Variants in CELSR1 observed in about 807,000 individuals in gnomAD.
CELSR1 encodes the protein adhesion G protein-coupled receptor C1.
In CELSR1, 110 loss-of-function variants were observed where a neutral mutation model predicts 249.1. The ratio of observed to expected loss-of-function variants is 0.44; its 90% CI spans 0.38 to 0.52. The LOEUF (loss-of-function observed/expected upper bound fraction) is 0.52, where lower values mean the gene tolerates loss of function less well. Ranked by LOEUF, CELSR1 falls within the 20% of genes least tolerant of loss-of-function variation. The probability of loss-of-function intolerance (pLI) is 0.00; values close to 1 mark genes in which losing one functional copy is unlikely to be tolerated. For synonymous variants in CELSR1, 2,113 were observed against 1,900.0 expected, an observed-to-expected ratio of 1.11 and a Z score of -2.92; for missense variants, 4,109 against 4,296.4, an observed-to-expected ratio of 0.96 and a Z score of 1.22.
At chr22:46,400,844 T>C (rs963053288) in intron 9 of CELSR1, among the ~76,000 whole-genome samples, 6 of 151,692 alleles carry the variant, frequency 4.0e-5, no homozygotes, top group Non-Finnish European at 8.8e-5. Context: ...CCCAGCTACT[T>C]GGGAGGCTGA....
At position 46,468,405 on chromosome 22, in the gene CELSR1, G is replaced by A. The variant is rs577653024; in HGVS notation, c.3545-4060C>T. On this transcript the variant is annotated intron_variant, in intron 1 of 34. Transcript: ENST00000674500. The surrounding 1 kb of genome is among the most constrained non-coding windows in gnomAD (Gnocchi z 4.5). ...TGTCTCAAAAAAAAAAAAAAATGTG[G>A]TCCATGCATACTATGGAATATTATC... 1.1e-3 allele frequency among the ~76,000 whole-genome samples: 164 copies of A among 150,840 alleles called. 2 individuals are homozygous for A. The East Asian group carries it at 0.025, about 23-fold the overall frequency.
intron 1 of CELSR1, among the ~76,000 whole-genome samples, chr22:46,529,710 G>A (rs1470063742): frequency 6.6e-6 from 1 of 151,890 alleles, no homozygotes; most frequent in Non-Finnish European, 1.5e-5. Flanking sequence ...GGCTGAGGTA[G>A]GATAATCACT....
At chr22:46,531,358 A>G (rs2080790534) in intron 1 of CELSR1, among the ~76,000 whole-genome samples, 1 of 152,020 alleles carries the variant, frequency 6.6e-6, no homozygotes, top group African/African-American at 2.4e-5. Context: ...GGTGCTCGCC[A>G]CCACACCAGG....
chr22:46,509,160 G>T (rs1480895547), intron 1 of CELSR1, among the ~76,000 whole-genome samples: 2 of 152,102 alleles, frequency 1.3e-5, no homozygotes, highest in South Asian at 4.1e-4. Context: ...ACACTTCTCT[G>T]CTCCCATGGC....
Position 46,533,448 on chromosome 22 carries a change from C to A in CELSR1, c.3544+179G>T, listed in dbSNP as rs1033556976. Reference sequence around the variant, plus strand: ...GAAGCGGCGCGGTGCCTCTCCCCCTCGCTGGGCCTAGGCCGGGCGCCCACC... The same window carrying A: ...GAAGCGGCGCGGTGCCTCTCCCCCTAGCTGGGCCTAGGCCGGGCGCCCACC... On this transcript the variant is annotated intron_variant, in intron 1 of 34. Transcript: ENST00000674500. Among the ~76,000 whole-genome samples, 3 of 152,378 alleles carry A rather than the reference C, an allele frequency of 2.0e-5. No homozygotes were observed. In the East Asian group the frequency reaches 5.8e-4, roughly 29 times the overall value.
At chr22:46,387,281 T>C (rs2079043368) in intron 18 of CELSR1, among the ~76,000 whole-genome samples, 1 of 152,260 alleles carries the variant, frequency 6.6e-6, no homozygotes, top group South Asian at 2.1e-4. Context: ...TTAATTCCAT[T>C]TAAAATACTT....
At position 46,437,161 on chromosome 22, in the gene CELSR1, C is replaced by G. The variant is rs1446010118; in HGVS notation, c.4407-872G>C. ...GAACTTAGAGCACGCTGAGCAAAAA[C>G]CACCTGCTCGGGCAGGAGATCATCA... On this transcript the variant is annotated intron_variant, in intron 3 of 34. Coordinates refer to ENST00000674500, the MANE Select transcript of CELSR1 (RefSeq NM_001378328.1). The surrounding 1 kb of genome is among the most constrained non-coding windows in gnomAD (Gnocchi z 4.9). Among the ~76,000 whole-genome samples the G allele has an allele frequency of 6.6e-6, 1 of 152,192 alleles. No individual in the cohort carries two copies. Among genetic ancestry groups the G allele is most frequent in the Non-Finnish European group, 1.5e-5 (1 of 68,040 alleles).
At chr22:46,495,967 G>A (rs1487503015) in intron 1 of CELSR1, among the ~76,000 whole-genome samples, 2 of 152,112 alleles carry the variant, frequency 1.3e-5, no homozygotes, top group African/African-American at 4.8e-5. Flanking sequence ...GCCAAGGTGG[G>A]CGGATCACCT....
In CELSR1 at chr22:46,427,960, G is replaced by C. The variant is rs113514263; in HGVS notation, c.4611+5433C>G. ...TCCCCCGACCCCAGGGGTGCTCCGG[G>C]GGTACATCTCCCACTCTCCTTGGGA... On this transcript the variant is annotated intron_variant, in intron 5 of 34. Transcript: ENST00000674500. This position sits in a 1 kb window ranked among gnomAD's most constrained non-coding sequence, Gnocchi z 4.2. Among the ~76,000 whole-genome samples, 2 of 152,110 alleles carry C rather than the reference G, an allele frequency of 1.3e-5. No individual in the cohort carries two copies. The highest frequency in any genetic ancestry group is 1.9e-4 in the East Asian group (1 of 5,178).
Position 46,363,888 on chromosome 22 carries a change from G to A in CELSR1, c.9035+108C>T, listed in dbSNP as rs2078733875. 4 of 1,381,010 alleles carry A rather than the reference G, an allele frequency of 2.9e-6. No individual in the cohort carries two copies. Among genetic ancestry groups the A allele is most frequent in the South Asian group, 3.1e-5 (2 of 65,094 alleles). 85.5% of individuals were successfully genotyped at this position (1,381,010 alleles called of 1,614,324 possible). On this transcript the variant is annotated intron_variant, in intron 34 of 34. Coordinates refer to ENST00000674500, the MANE Select transcript of CELSR1 (RefSeq NM_001378328.1). This position sits in a 1 kb window ranked among gnomAD's most constrained non-coding sequence, Gnocchi z 4.3. ...CGCCTGGGCTTCCTCTGCACTCAGG[G>A]CTCCAGGTGAGGTGGGTGTCAGGTC...
rs1433135779 is a variant in CELSR1, at chr22:46,395,512, C to G, written c.5843+1093G>C. ...GCCACACTGGCTCCCACCTCCCTCT[C>G]CACTCCCAGGGCACCTCCGCGGCGC... On this transcript the variant is annotated intron_variant, in intron 13 of 34. Transcript: ENST00000674500. This position sits in a 1 kb window ranked among gnomAD's most constrained non-coding sequence, Gnocchi z 5.5. 8.3e-6 allele frequency among the ~76,000 whole-genome samples: 1 copy of G among 120,992 alleles called. No homozygotes were observed. Among genetic ancestry groups the G allele is most frequent in the South Asian group, 2.8e-4 (1 of 3,626 alleles). The allele number at this position is 120,992 out of a possible 152,430, so 79.4% of individuals were successfully genotyped here.
rs6007909 is a variant in CELSR1 at position 46,437,455 on chromosome 22, G to T, written c.4407-1166C>A. Among the ~76,000 whole-genome samples, 30,064 of 152,178 alleles carry T rather than the reference G, an allele frequency of 0.2. 5,199 individuals carry two copies. The highest frequency in any genetic ancestry group is 0.47 in the African/African-American group (19,462 of 41,462). On this transcript the variant is annotated intron_variant, in intron 3 of 34. Transcript: ENST00000674500. This position sits in a 1 kb window ranked among gnomAD's most constrained non-coding sequence, Gnocchi z 4.9. ...AGCATCTGACCTCAGCCTTTTCTCT[G>T]GAGTTAAAATTGATGGTTTCGGCTG... is the stretch of plus-strand genomic sequence containing the variant.
At chr22:46,384,435 C>G (rs2079010524) in intron 20 of CELSR1, 108 bp downstream of exon 20, 2 of 1,339,002 alleles carry the variant, frequency 1.5e-6, no homozygotes, top group African/African-American at 1.5e-5. Context: ...TCGGAACACT[C>G]TGGCCCAGAT....
In CELSR1 at chr22:46,488,891, C is replaced by A. The variant is rs1013083953; in HGVS notation, c.3545-24546G>T. Among the ~76,000 whole-genome samples the A allele has an allele frequency of 5.3e-5, 8 of 152,160 alleles. No individual in the cohort carries two copies. Among genetic ancestry groups the A allele is most frequent in the African/African-American group, 1.9e-4 (8 of 41,428 alleles). Reference sequence around the variant, plus strand: ...AGCCAGGATGGTCTCGATCTCCTGACCTCATGATCCGCCTGCCTCGGCTTC... The same window carrying A: ...AGCCAGGATGGTCTCGATCTCCTGAACTCATGATCCGCCTGCCTCGGCTTC... On this transcript the variant is annotated intron_variant, in intron 1 of 34. Coordinates refer to ENST00000674500, the MANE Select transcript of CELSR1 (RefSeq NM_001378328.1). This position sits in a 1 kb window ranked among gnomAD's most constrained non-coding sequence, Gnocchi z 4.7.
intron 1 of CELSR1, among the ~76,000 whole-genome samples, chr22:46,486,672 C>T (rs1365889575): frequency 6.6e-6 from 1 of 151,644 alleles, no homozygotes; most frequent in Non-Finnish European, 1.5e-5. Flanking sequence ...GTGAAACCCC[C>T]TCTCTACTAA....
In CELSR1 at chr22:46,427,852, G is replaced by A. The variant is rs2079552956; in HGVS notation, c.4611+5541C>T. Among the ~76,000 whole-genome samples the A allele has an allele frequency of 6.6e-6, 1 of 152,052 alleles. No individual in the cohort carries two copies. Among genetic ancestry groups the A allele is most frequent in the Non-Finnish European group, 1.5e-5 (1 of 68,014 alleles). On this transcript the variant is annotated intron_variant, in intron 5 of 34. Coordinates refer to ENST00000674500, the MANE Select transcript of CELSR1 (RefSeq NM_001378328.1). This position sits in a 1 kb window ranked among gnomAD's most constrained non-coding sequence, Gnocchi z 4.2. The stretch of plus-strand genomic sequence containing the variant: ...GGCAGATCTGTAGAGCCCAGAAAGG[G>A]TCCCATCAAAAAACCTCACCCTGAC...
intron 2 of CELSR1, among the ~76,000 whole-genome samples, chr22:46,458,076 A>C (rs1436948371): frequency 2.0e-5 from 3 of 151,572 alleles, no homozygotes; most frequent in Non-Finnish European, 4.4e-5. Context: ...TGACAAGCAA[A>C]CACCACCATG....
rs144537856 is a variant in CELSR1, at chr22:46,458,548, G to A, written c.4183+5159C>T. Among the ~76,000 whole-genome samples, 375 of 152,342 alleles carry A rather than the reference G, an allele frequency of 2.5e-3. 1 individual carries two copies. The highest frequency in any genetic ancestry group is 8.2e-3 in the African/African-American group (339 of 41,580). Reference sequence around the variant, plus strand: ...GCCAAGGGGCATCCACTGTGAGCCCGTGGGCTGAAATAAGGGATGGGGAGA... The same window carrying A: ...GCCAAGGGGCATCCACTGTGAGCCCATGGGCTGAAATAAGGGATGGGGAGA... On this transcript the variant is annotated intron_variant, in intron 2 of 34. Transcript: ENST00000674500.
In CELSR1 at chr22:46,399,739, G is replaced by A; in HGVS notation, c.5390C>T (p.Thr1797Ile). 2 of 1,613,998 alleles carry A rather than the reference G, an allele frequency of 1.2e-6. No individual in the cohort carries two copies. Among genetic ancestry groups the A allele is most frequent in the Non-Finnish European group, 1.7e-6 (2 of 1,179,906 alleles). The change falls in exon 10 of 35, where the codon ACC (threonine) becomes ATC (isoleucine). Residue 1797 changes from threonine to isoleucine, a missense_variant. By Grantham distance (89) the Thr-to-Ile change is moderately conservative. Transcript: ENST00000674500. The surrounding 1 kb of genome is among the most constrained non-coding windows in gnomAD (Gnocchi z 5.0). Reference sequence around the variant, plus strand: ...CACCTGGTCCATCCCATAGTCCAAGGTCATGGTGACCAGGTGCTTCATCTC... The same window carrying A: ...CACCTGGTCCATCCCATAGTCCAAGATCATGGTGACCAGGTGCTTCATCTC... ...DSEMKHLVTM[T>I]LDYGMDQNKA...
Sources: gnomAD v4.1 joint callset for allele counts (sites outside exome capture counted in the v4.1 genomes callset) on GRCh38, gnomAD v4.1.1 for gene constraint, Gnocchi (gnomAD v3.1) non-coding constraint, MANE v1.5 for transcripts, NCBI Gene and HGNC (gene_info 2026-07-23, HGNC 2026-07-21) for gene names.